The following UTRN variants were observed in gnomAD, a reference collection of about 807,000 sequenced individuals.
UTRN encodes utrophin, also known as dystrophin-related protein 1.
UTRN carries 283 observed loss-of-function variants against 463.9 expected under a neutral mutation model. The ratio of observed to expected loss-of-function variants is 0.61; its 90% CI spans 0.55 to 0.67. UTRN has a LOEUF of 0.67. Among genes scored for constraint, UTRN ranks in the 30% least tolerant of loss-of-function variants. The probability of loss-of-function intolerance (pLI) is 0.00; values close to 1 mark genes in which losing one functional copy is unlikely to be tolerated. For missense variants in UTRN, 3,922 were observed against 4,084.3 expected, an observed-to-expected ratio of 0.96 and a Z score of 1.08; for synonymous variants, 1,442 against 1,431.5, an observed-to-expected ratio of 1.01 and a Z score of -0.17.
intron 50 of UTRN, 30 bp downstream of exon 50, chr6:144,557,341 A>T: frequency 6.3e-7 from 1 of 1,588,530 alleles, no homozygotes; most frequent in Non-Finnish European, 8.6e-7. Context: ...AGGTAAATGT[A>T]TATTGTCAAG....
chr6:144,809,279 C>T (rs1262074403), intron 65 of UTRN, among the ~76,000 whole-genome samples: 1 of 152,080 alleles, frequency 6.6e-6, no homozygotes. Flanking sequence ...GATGAGTAAA[C>T]TGATTGCTAC....
intron 9 of UTRN, among the ~76,000 whole-genome samples, chr6:144,432,893 G>A (rs977387774): frequency 6.6e-6 from 1 of 152,058 alleles, no homozygotes; most frequent in Non-Finnish European, 1.5e-5. Context: ...GACTCTTAAC[G>A]AGCATGCTGC....
chr6:144,408,914 G>A (rs1783646509), intron 3 of UTRN, among the ~76,000 whole-genome samples: 1 of 152,198 alleles, frequency 6.6e-6, no homozygotes, highest in Non-Finnish European at 1.5e-5. Context: ...CTTCCTGTGT[G>A]AAGATAAATC....
intron 51 of UTRN, among the ~76,000 whole-genome samples, chr6:144,603,703 A>C (rs918132834): frequency 6.6e-6 from 1 of 152,180 alleles, no homozygotes; most frequent in African/African-American, 2.4e-5. Flanking sequence ...AAAACTTTCG[A>C]TATTTCATGA....
At chr6:144,726,289 G>A (rs1168291103) in intron 53 of UTRN, among the ~76,000 whole-genome samples, 1 of 152,168 alleles carries the variant, frequency 6.6e-6, no homozygotes. Flanking sequence ...TTCAGCTTCA[G>A]CTGCTACCGC....
chr6:144,831,027 C>T (rs1304603175), intron 69 of UTRN, among the ~76,000 whole-genome samples: 1 of 152,132 alleles, frequency 6.6e-6, no homozygotes. Context: ...TACCAACTCA[C>T]GACCGCCATG....
At chr6:144,562,674 T>C (rs1800044948) in intron 50 of UTRN, among the ~76,000 whole-genome samples, 1 of 152,196 alleles carries the variant, frequency 6.6e-6, no homozygotes, top group African/African-American at 2.4e-5. Flanking sequence ...TACACATACA[T>C]GTATCTTTAT....
At chr6:144,837,551 C>A (rs757900177) in intron 71 of UTRN, among the ~76,000 whole-genome samples, 4 of 152,208 alleles carry the variant, frequency 2.6e-5, no homozygotes, top group Non-Finnish European at 5.9e-5. Flanking sequence ...CATCTTTAGT[C>A]TTTTTCTCTA....
chr6:144,606,171 ATGTT>A (rs1804827553), intron 51 of UTRN, among the ~76,000 whole-genome samples: 1 of 152,246 alleles, frequency 6.6e-6, no homozygotes, highest in Non-Finnish European at 1.5e-5. Flanking sequence ...TTGTAAAACA[ATGTT>A]TGACATTGGG....
At chr6:144,625,581 G>T (rs1278970617) in intron 51 of UTRN, among the ~76,000 whole-genome samples, 1 of 152,214 alleles carries the variant, frequency 6.6e-6, no homozygotes, top group South Asian at 2.1e-4. Context: ...AAAGGAAGTG[G>T]TTGAAAAGCC....
chr6:144,502,407 CT>C (rs1794284670), intron 34 of UTRN, among the ~76,000 whole-genome samples: 2 of 152,164 alleles, frequency 1.3e-5, no homozygotes, highest in Non-Finnish European at 2.9e-5. Context: ...TACCCCTCCC[CT>C]AGCCCCCCAG....
intron 58 of UTRN, among the ~76,000 whole-genome samples, chr6:144,765,138 A>C (rs1793148261): frequency 6.6e-6 from 1 of 152,150 alleles, no homozygotes. Context: ...GAGTATTTGC[A>C]TGTTTATATT....
At position 144,448,657 on chromosome 6, in the gene UTRN, G is replaced by A; in HGVS notation, c.1960G>A (p.Glu654Lys). Residue 654 changes from glutamate (E) to lysine (K), a missense_variant, in exon 17 of 75, where the codon GAG becomes AAG. Glu to Lys is a moderately conservative substitution (Grantham distance 56). Coordinates refer to ENST00000367545, the MANE Select transcript of UTRN (RefSeq NM_007124.3). ...MSQIPQKDLL[E>K]TVRVREQAIT... is the part of the protein sequence containing the mutation. ...TCAGATTCCTCAGAAGGACCTTTTG[G>A]AGACTGTTCGTGTAAGAGAACAAGC... 1 of 1,613,980 alleles carries A rather than the reference G, an allele frequency of 6.2e-7. No homozygotes were observed. The highest frequency in any genetic ancestry group is 8.5e-7 in the Non-Finnish European group (1 of 1,179,936).
chr6:144,671,477 ACATT>A (rs1255576617), intron 51 of UTRN, among the ~76,000 whole-genome samples: 1 of 151,978 alleles, frequency 6.6e-6, no homozygotes. Context: ...TGATTTGTGT[ACATT>A]CATTTTGTAT....
At chr6:144,292,469 G>A (rs950657435) in intron 2 of UTRN, among the ~76,000 whole-genome samples, 2 of 152,140 alleles carry the variant, frequency 1.3e-5, no homozygotes, top group African/African-American at 4.8e-5. Flanking sequence ...GGGGTCCTCA[G>A]GATACCACCC....
intron 46 of UTRN, among the ~76,000 whole-genome samples, chr6:144,545,147 T>A (rs1798290142): frequency 1.3e-5 from 2 of 152,194 alleles, no homozygotes; most frequent in Non-Finnish European, 2.9e-5. Flanking sequence ...GTAGCATCAT[T>A]TCCATGTTCC....
intron 71 of UTRN, 73 bp from the exon 72 acceptor site, chr6:144,839,100 G>C: frequency 8.2e-7 from 1 of 1,222,202 alleles, no homozygotes; most frequent in Non-Finnish European, 1.2e-6. Flanking sequence ...GGGCGGGGAA[G>C]TTAAAAAGGA....
chr6:144,746,032 C>T (rs750496235), intron 54 of UTRN, among the ~76,000 whole-genome samples: 2 of 150,838 alleles, frequency 1.3e-5, no homozygotes, highest in Non-Finnish European at 2.9e-5. Context: ...TGGAATTTTG[C>T]TCTTGTTGCC....
intron 2 of UTRN, among the ~76,000 whole-genome samples, chr6:144,362,626 C>T (rs1028379357): frequency 1.3e-5 from 2 of 152,178 alleles, no homozygotes; most frequent in Non-Finnish European, 2.9e-5. Context: ...TGAACACAGA[C>T]TTGAAGGTCA....
Sources: gnomAD v4.1 joint callset for allele counts (sites outside exome capture counted in the v4.1 genomes callset) on GRCh38, gnomAD v4.1.1 for gene constraint, MANE v1.5 for transcripts, NCBI Gene and HGNC (gene_info 2026-07-23, HGNC 2026-07-21) for gene names.